The following COLEC10 variants were observed in gnomAD, a reference collection of about 807,000 sequenced individuals.
COLEC10 encodes collectin subfamily member 10, also known as collectin-10.
COLEC10 carries 22 observed loss-of-function variants against 28.4 expected under a neutral mutation model. The observed-to-expected ratio is 0.78, with a 90% CI of 0.55 to 1.11. The LOEUF (loss-of-function observed/expected upper bound fraction) is 1.11, where lower values mean the gene tolerates loss of function less well. Ranked by LOEUF, COLEC10 falls within the 50% of genes least tolerant of loss-of-function variation. COLEC10 has a pLI of 0.00. For missense variants in COLEC10, 361 were observed against 344.1 expected, an observed-to-expected ratio of 1.05 and a Z score of -0.39; for synonymous variants, 125 against 116.1, an observed-to-expected ratio of 1.08 and a Z score of -0.49.
the COLEC10 span, among the ~76,000 whole-genome samples, chr8:118,980,599 T>C: frequency 0.052 from 7,916 of 152,182 alleles, 318 homozygotes; most frequent in East Asian, 0.17. Context: ...TAAGTAGCAA[T>C]TGATTTTTTT....
chr8:118,957,189 A>C, the COLEC10 span, among the ~76,000 whole-genome samples: 1 of 152,254 alleles, frequency 6.6e-6, no homozygotes, highest in Admixed American at 6.5e-5. Flanking sequence ...TACTGATGCC[A>C]AGCACTGTGT....
the COLEC10 span, among the ~76,000 whole-genome samples, chr8:118,961,591 C>T: frequency 0.074 from 11,227 of 152,218 alleles, 543 homozygotes; most frequent in Middle Eastern, 0.18. Context: ...ATTTCTTGGC[C>T]TGCCTCCCTC....
the COLEC10 span, among the ~76,000 whole-genome samples, chr8:118,958,704 T>C: frequency 1.3e-5 from 2 of 152,248 alleles, no homozygotes; most frequent in South Asian, 4.1e-4. Flanking sequence ...GCTGCTCAGT[T>C]TCAAAGAGAT....
At chr8:119,085,599 C>CTTCTTTTTTTTTTTTTT (rs1563739053) in intron 1 of COLEC10, among the ~76,000 whole-genome samples, 6 of 63,546 alleles carry the variant, frequency 9.4e-5, no homozygotes, top group East Asian at 5.9e-4. Context: ...TCTTCTTCTT[C>CTTCTTTTTTTTTTTTTT]TTTTTTTTTT....
At chr8:118,960,426 A>G in the COLEC10 span, among the ~76,000 whole-genome samples, 2 of 152,220 alleles carry the variant, frequency 1.3e-5, no homozygotes, top group Non-Finnish European at 2.9e-5. Flanking sequence ...TTGTCCTGAT[A>G]GCAAGGTTAT....
chr8:119,017,379 A>C (rs1814013234), intron 2 of COLEC10, among the ~76,000 whole-genome samples: 2 of 152,192 alleles, frequency 1.3e-5, no homozygotes, highest in African/African-American at 4.8e-5. Context: ...ATTGTTTTCA[A>C]GACTATAGTA....
At chr8:119,002,698 A>C (rs1284497751) in intron 1 of COLEC10, among the ~76,000 whole-genome samples, 1 of 152,162 alleles carries the variant, frequency 6.6e-6, no homozygotes, top group Non-Finnish European at 1.5e-5. Flanking sequence ...TGGTCAATTA[A>C]ATTGTTTTAC....
the COLEC10 span, among the ~76,000 whole-genome samples, chr8:118,960,378 T>C: frequency 2.0e-5 from 3 of 152,208 alleles, no homozygotes; most frequent in Non-Finnish European, 4.4e-5. Flanking sequence ...CTTTTGTACT[T>C]ATTCTCTTTA....
chr8:118,983,435 C>A, the COLEC10 span, among the ~76,000 whole-genome samples: 1 of 152,130 alleles, frequency 6.6e-6, no homozygotes, highest in African/African-American at 2.4e-5. Flanking sequence ...TGCTTCCCAG[C>A]AACCACATGG....
chr8:118,971,881 C>A, the COLEC10 span, among the ~76,000 whole-genome samples: 445 of 152,066 alleles, frequency 2.9e-3, 2 homozygotes, highest in African/African-American at 0.01. Context: ...GTTTTTACTT[C>A]AGTAGAATCA....
chr8:118,983,570 C>G, the COLEC10 span, among the ~76,000 whole-genome samples: 1 of 151,976 alleles, frequency 6.6e-6, no homozygotes, highest in East Asian at 1.9e-4. Context: ...TGAATAGGAC[C>G]TTATTTGGAA....
chr8:119,069,776 G>A (rs1227733044), intron 1 of COLEC10, among the ~76,000 whole-genome samples: 1 of 150,812 alleles, frequency 6.6e-6, no homozygotes, highest in African/African-American at 2.4e-5. Flanking sequence ...AGAATAGTAT[G>A]ATGGTTAAGT....
chr8:118,967,542 G>A, the COLEC10 span, among the ~76,000 whole-genome samples: 4 of 151,812 alleles, frequency 2.6e-5, no homozygotes, highest in Admixed American at 6.6e-5. Flanking sequence ...AAGTAATTTT[G>A]GAATTAAGTT....
At chr8:118,992,651 A>G (rs1397961088), upstream of COLEC10, among the ~76,000 whole-genome samples, 1 of 152,136 alleles carries the variant, frequency 6.6e-6, no homozygotes, top group African/African-American at 2.4e-5. Flanking sequence ...GGTGAAGAAA[A>G]CACCGTAGAT....
At position 119,106,111 on chromosome 8, in the gene COLEC10, C is replaced by T; in HGVS notation, c.754C>T (p.Leu252=). The change falls in exon 6 of 6, where the codon CTG becomes TTG. Residue 252 remains leucine (L), a synonymous_variant. Transcript: ENST00000332843. ...TGGTCATGAGGACTGTGTGGAGATG[C>T]TGAGCTCTGGCAGATGGAATGACAC... is the stretch of plus-strand genomic sequence containing the variant. ...PYGHEDCVEM[L]SSGRWNDTEC... is the part of the protein sequence containing the mutation. The T allele has an allele frequency of 6.2e-7, 1 of 1,613,846 alleles. No individual in the cohort carries two copies. The highest frequency in any genetic ancestry group is 8.5e-7 in the Non-Finnish European group (1 of 1,179,838).
the COLEC10 span, among the ~76,000 whole-genome samples, chr8:118,973,948 CTT>C: frequency 1.3e-5 from 2 of 151,928 alleles, no homozygotes; most frequent in African/African-American, 4.8e-5. Context: ...GAAGTACTGA[CTT>C]TCTTCTTATT....
rs550857375 is a variant in COLEC10 at position 119,071,789 on chromosome 8, T to C, written c.148+4360T>C. On this transcript the variant is annotated intron_variant, in intron 1 of 5. Coordinates refer to ENST00000332843, the MANE Select transcript of COLEC10 (RefSeq NM_006438.5). ...ACATAGTGGGTGCTCAATACATATTTTTGATTAAATGAATCTACCCAAATT... is the reference window on the plus strand; with the variant it reads ...ACATAGTGGGTGCTCAATACATATTCTTGATTAAATGAATCTACCCAAATT... Among the ~76,000 whole-genome samples, 67 of 152,302 alleles carry C rather than the reference T, an allele frequency of 4.4e-4. 1 individual carries two copies. In the South Asian group the frequency reaches 0.014, roughly 31 times the overall value.
chr8:118,982,294 C>G, the COLEC10 span, among the ~76,000 whole-genome samples: 4 of 152,106 alleles, frequency 2.6e-5, no homozygotes. Flanking sequence ...AACAAGTTCC[C>G]TCAAGAATAA....
At chr8:119,076,119 G>C (rs1256024908) in intron 1 of COLEC10, among the ~76,000 whole-genome samples, 1 of 138,134 alleles carries the variant, frequency 7.2e-6, no homozygotes, top group African/African-American at 2.7e-5. Context: ...CACCATGTTA[G>C]CCAGGACAGT....
Sources: allele counts gnomAD v4.1 joint callset (sites outside exome capture counted in the v4.1 genomes callset), GRCh38; gene constraint gnomAD v4.1.1; transcripts MANE v1.5; gene names NCBI Gene and HGNC (gene_info 2026-07-23, HGNC 2026-07-21).